Variants in ST3GAL4 observed in about 807,000 individuals in gnomAD.
The protein encoded by ST3GAL4 is ST3 beta-galactoside alpha-2,3-sialyltransferase 4, also known as CMP-N-acetylneuraminate-beta-galactosamide-alpha-2,3-sialyltransferase 4.
In ST3GAL4, 24 loss-of-function variants were observed where a neutral mutation model predicts 42.6. That is an observed-to-expected ratio of 0.56 (90% confidence interval 0.41 to 0.79). The LOEUF is 0.79. Ranked by LOEUF, ST3GAL4 falls within the 30% of genes least tolerant of loss-of-function variation. The pLI, the probability that ST3GAL4 is intolerant of heterozygous loss-of-function variation, is 0.00. For synonymous variants in ST3GAL4, 135 were observed against 163.2 expected (o/e 0.83, Z 1.32); for missense variants, 311 against 430.8 (o/e 0.72, Z 2.46).
chr11:126,401,500 C>T (rs1953988108), intron 1 of ST3GAL4, among the ~76,000 whole-genome samples: 1 of 151,364 alleles, frequency 6.6e-6, no homozygotes, highest in Non-Finnish European at 1.5e-5. Flanking sequence ...GGCAGAGGTT[C>T]CAGTGGGTTC....
At position 126,379,896 on chromosome 11, in the gene ST3GAL4, A is replaced by G. The variant is rs1952935557; in HGVS notation, c.-61+24054A>G. The stretch of plus-strand genomic sequence containing the variant: ...ATCCTGACATTTTGCTACGGTGAGA[A>G]TAGTAACTGAAACTGGTGTAGTGTC... On this transcript the variant is annotated intron_variant, in intron 1 of 10. Transcript: ENST00000444328. The surrounding 1 kb of genome is among the most constrained non-coding windows in gnomAD (Gnocchi z 4.2). 1.3e-5 allele frequency among the ~76,000 whole-genome samples: 2 copies of G among 152,194 alleles called. No homozygotes were observed. The highest frequency in any genetic ancestry group is 1.3e-4 in the Admixed American group (2 of 15,270).
rs1279927455 is a variant in ST3GAL4, at chr11:126,400,297, C to A, written c.-60-5799C>A. On this transcript the variant is annotated intron_variant, in intron 1 of 10. Transcript: ENST00000444328. This position sits in a 1 kb window ranked among gnomAD's most constrained non-coding sequence, Gnocchi z 4.6. ...ACAGATCAAGAGGGGACCTAACTGG[C>A]CTTTTATAAGGAACCCAGTTCCACA... Among the ~76,000 whole-genome samples, 2 of 152,204 alleles carry A rather than the reference C, an allele frequency of 1.3e-5. No individual in the cohort carries two copies. Among genetic ancestry groups the A allele is most frequent in the Non-Finnish European group, 2.9e-5 (2 of 68,046 alleles).
chr11:126,406,634 G>A lies in ST3GAL4; in HGVS notation c.101+77G>A. 1 of 1,588,212 alleles carries A rather than the reference G, an allele frequency of 6.3e-7. No homozygotes were observed. Among genetic ancestry groups the A allele is most frequent in the Non-Finnish European group, 8.6e-7 (1 of 1,165,564 alleles). On this transcript the variant is annotated intron_variant, in intron 3 of 10. Transcript: ENST00000444328. This position sits in a 1 kb window ranked among gnomAD's most constrained non-coding sequence, Gnocchi z 5.4. ...AGGGATGGAGCATCATGGAGCGGGG[G>A]ACCTAGTAGGGCAGGAAGGTTCCAA...
rs1337346197 is a variant in ST3GAL4, at chr11:126,373,337, G to A, written c.-61+17495G>A. Among the ~76,000 whole-genome samples, 1 of 152,136 alleles carries A rather than the reference G, an allele frequency of 6.6e-6. No homozygotes were observed. Among genetic ancestry groups the A allele is most frequent in the East Asian group, 1.9e-4 (1 of 5,186 alleles). On this transcript the variant is annotated intron_variant, in intron 1 of 10. Coordinates refer to ENST00000444328, the MANE Select transcript of ST3GAL4 (RefSeq NM_001254757.2). The surrounding 1 kb of genome is among the most constrained non-coding windows in gnomAD (Gnocchi z 5.5). The stretch of plus-strand genomic sequence containing the variant: ...GTGCATTGCTTCTCCTGGGATGGAG[G>A]GGTGCCGGGGAGCCCCTGACCAGGA...
intron 1 of ST3GAL4, chr11:126,358,662 C>T (rs954306264): frequency 9.4e-5 from 27 of 285,802 alleles, no homozygotes; most frequent in Non-Finnish European, 1.6e-4. Context: ...TGAATTCCCC[C>T]AAAGGTTGCT....
chr11:126,391,533 C>T lies in ST3GAL4; in HGVS notation c.-60-14563C>T, dbSNP rs916477082. On this transcript the variant is annotated intron_variant, in intron 1 of 10. Coordinates refer to ENST00000444328, the MANE Select transcript of ST3GAL4 (RefSeq NM_001254757.2). This position sits in a 1 kb window ranked among gnomAD's most constrained non-coding sequence, Gnocchi z 5.5. ...CCCCAGTGTGGTCTCCTTCCTTTTC[C>T]TCACCACTTCTCCTACCTAACCCCA... 6.6e-6 allele frequency among the ~76,000 whole-genome samples: 1 copy of T among 152,198 alleles called. No homozygotes were observed. The highest frequency in any genetic ancestry group is 2.4e-5 in the African/African-American group (1 of 41,454).
Position 126,376,609 on chromosome 11 carries a change from CAAGGTT to C in ST3GAL4, c.-61+20772_-61+20777del, listed in dbSNP as rs1340384963. 6.6e-6 allele frequency among the ~76,000 whole-genome samples: 1 copy of C among 152,166 alleles called. No individual in the cohort carries two copies. The highest frequency in any genetic ancestry group is 1.5e-5 in the Non-Finnish European group (1 of 68,032). On this transcript the variant is annotated intron_variant, in intron 1 of 10. Coordinates refer to ENST00000444328, the MANE Select transcript of ST3GAL4 (RefSeq NM_001254757.2). The surrounding 1 kb of genome is among the most constrained non-coding windows in gnomAD (Gnocchi z 5.1). ...AGATTTGATTATGCTGTCTTTTAAG[CAAGGTT>C]AAGGCTGTTGTTAAGGCCTCATTGG... is the stretch of plus-strand genomic sequence containing the variant.
intron 1 of ST3GAL4, among the ~76,000 whole-genome samples, chr11:126,365,761 G>T (rs570561900): frequency 6.6e-6 from 1 of 152,208 alleles, no homozygotes; most frequent in African/African-American, 2.4e-5. Context: ...TTTGGGTGCC[G>T]GGTGGGCTGA....
At chr11:126,401,259 G>A (rs973095307) in intron 1 of ST3GAL4, among the ~76,000 whole-genome samples, 12 of 151,942 alleles carry the variant, frequency 7.9e-5, no homozygotes, top group Non-Finnish European at 1.5e-5. Context: ...CAAGGACAGT[G>A]CCCCCGAGAA....
chr11:126,409,132 C>A lies in ST3GAL4; in HGVS notation c.628-136C>A. 8.9e-7 allele frequency: 1 copy of A among 1,125,598 alleles called. No individual in the cohort carries two copies. Among genetic ancestry groups the A allele is most frequent in the South Asian group, 1.4e-5 (1 of 69,454 alleles). The allele number at this position is 1,125,598 out of a possible 1,614,324, so 69.7% of individuals were successfully genotyped here. The stretch of plus-strand genomic sequence containing the variant: ...CATCTGTGGCACAGACTTCACCTCC[C>A]TTTCCTCTCACCTTGTGCTCCTGAA... On this transcript the variant is annotated intron_variant, in intron 8 of 10. Transcript: ENST00000444328. This position sits in a 1 kb window ranked among gnomAD's most constrained non-coding sequence, Gnocchi z 4.9.
chr11:126,397,933 ATTG>A lies in ST3GAL4; in HGVS notation c.-60-8160_-60-8158del, dbSNP rs75441897. Among the ~76,000 whole-genome samples, 17,660 of 152,214 alleles carry A rather than the reference ATTG, an allele frequency of 0.12. 1,496 individuals carry two copies. The highest frequency in any genetic ancestry group is 0.44 in the East Asian group (2,251 of 5,162). On this transcript the variant is annotated intron_variant, in intron 1 of 10. Transcript: ENST00000444328. This position sits in a 1 kb window ranked among gnomAD's most constrained non-coding sequence, Gnocchi z 5.0. ...CTCTTATGAGACCCCACCTCACAACATTGTTAACATTTAGGATCAAGTTTCTAG... is the reference window on the plus strand; with the variant it reads ...CTCTTATGAGACCCCACCTCACAACATTAACATTTAGGATCAAGTTTCTAG...
chr11:126,397,606 A>G lies in ST3GAL4; in HGVS notation c.-60-8490A>G, dbSNP rs547466322. On this transcript the variant is annotated intron_variant, in intron 1 of 10. Transcript: ENST00000444328. This position sits in a 1 kb window ranked among gnomAD's most constrained non-coding sequence, Gnocchi z 5.0. ...AGCGAGCGGGATGTGGAGGGTTAGG[A>G]TGTTATCTTAGTCTGTTTTGTGCTG... Among the ~76,000 whole-genome samples, 3 of 152,100 alleles carry G rather than the reference A, an allele frequency of 2.0e-5. No homozygotes were observed. Among genetic ancestry groups the G allele is most frequent in the Non-Finnish European group, 4.4e-5 (3 of 68,028 alleles).
rs1417217400 is a variant in ST3GAL4 at position 126,397,193 on chromosome 11, A to T, written c.-60-8903A>T. ...TCACATGTTATTACTTATTTGTCAG[A>T]TGTTTGTAAAACATCTGCTACATTC... is the stretch of plus-strand genomic sequence containing the variant. On this transcript the variant is annotated intron_variant, in intron 1 of 10. Coordinates refer to ENST00000444328, the MANE Select transcript of ST3GAL4 (RefSeq NM_001254757.2). This position sits in a 1 kb window ranked among gnomAD's most constrained non-coding sequence, Gnocchi z 5.0. 6.6e-6 allele frequency among the ~76,000 whole-genome samples: 1 copy of T among 152,098 alleles called. No homozygotes were observed. The highest frequency in any genetic ancestry group is 2.1e-4 in the South Asian group (1 of 4,828).
rs947978590 is a variant in ST3GAL4 at position 126,391,539 on chromosome 11, A to G, written c.-60-14557A>G. On this transcript the variant is annotated intron_variant, in intron 1 of 10. Coordinates refer to ENST00000444328, the MANE Select transcript of ST3GAL4 (RefSeq NM_001254757.2). The surrounding 1 kb of genome is among the most constrained non-coding windows in gnomAD (Gnocchi z 5.5). ...TGTGGTCTCCTTCCTTTTCCTCACC[A>G]CTTCTCCTACCTAACCCCAAGAATG... 6.6e-6 allele frequency among the ~76,000 whole-genome samples: 1 copy of G among 151,972 alleles called. No homozygotes were observed. Among genetic ancestry groups the G allele is most frequent in the African/African-American group, 2.4e-5 (1 of 41,368 alleles).
chr11:126,362,193 C>CTT (rs763280766), intron 1 of ST3GAL4, among the ~76,000 whole-genome samples: 65 of 119,074 alleles, frequency 5.5e-4, no homozygotes, highest in African/African-American at 1.7e-3. Flanking sequence ...ACATTTCTTC[C>CTT]TTTTTTTTTT....
At chr11:126,369,551 T>C (rs1952562390) in intron 1 of ST3GAL4, among the ~76,000 whole-genome samples, 1 of 152,108 alleles carries the variant, frequency 6.6e-6, no homozygotes, top group Non-Finnish European at 1.5e-5. Flanking sequence ...TGGCTGATAG[T>C]GCCATTTTTT....
At chr11:126,401,558 A>T (rs74530630) in intron 1 of ST3GAL4, among the ~76,000 whole-genome samples, 1 of 136,622 alleles carries the variant, frequency 7.3e-6, no homozygotes, top group Non-Finnish European at 1.7e-5. Context: ...TCCCTCTCAG[A>T]AAAAAAAAAA....
intron 10 of ST3GAL4, 59 bp from the exon 11 acceptor site, chr11:126,413,902 C>T: frequency 6.3e-7 from 1 of 1,595,962 alleles, no homozygotes; most frequent in Non-Finnish European, 8.6e-7. Flanking sequence ...GGGAGACTTT[C>T]CTGGGGACAG....
chr11:126,376,314 T>C lies in ST3GAL4; in HGVS notation c.-61+20472T>C, dbSNP rs1952832139. On this transcript the variant is annotated intron_variant, in intron 1 of 10. Transcript: ENST00000444328. The surrounding 1 kb of genome is among the most constrained non-coding windows in gnomAD (Gnocchi z 5.1). ...AGGCACAATAATATTTTAAAGAGTT[T>C]ATTTGTGTAAGAAGTGAATTGGGAA... 6.6e-6 allele frequency among the ~76,000 whole-genome samples: 1 copy of C among 152,198 alleles called. No individual in the cohort carries two copies. The highest frequency in any genetic ancestry group is 1.9e-4 in the East Asian group (1 of 5,202).
Sources: gnomAD v4.1 joint callset for allele counts (sites outside exome capture counted in the v4.1 genomes callset) on GRCh38, gnomAD v4.1.1 for gene constraint, Gnocchi (gnomAD v3.1) non-coding constraint, MANE v1.5 for transcripts, NCBI Gene and HGNC (gene_info 2026-07-23, HGNC 2026-07-21) for gene names.